The following RRP15 variants were observed in gnomAD, a reference collection of about 807,000 sequenced individuals.
RRP15 encodes the protein RRP15-like protein.
In RRP15, 18 loss-of-function variants were observed where a neutral mutation model predicts 27.1. The observed-to-expected ratio is 0.66, with a 90% CI of 0.46 to 0.98. The LOEUF (loss-of-function observed/expected upper bound fraction) is 0.98. RRP15 is among the 50% of genes least tolerant of loss of function. The pLI is 0.00. For missense variants in RRP15, 359 were observed against 337.8 expected (o/e 1.06, Z -0.49); for synonymous variants, 107 against 109.4 (o/e 0.98, Z 0.14).
At chr1:218,287,715 A>G (rs1353776031) in intron 1 of RRP15, among the ~76,000 whole-genome samples, 1 of 152,192 alleles carries the variant, frequency 6.6e-6, no homozygotes, top group Non-Finnish European at 1.5e-5. Context: ...TCTTACGTGT[A>G]TTATTGATAA....
chr1:218,290,235 A>G (rs139368320), intron 1 of RRP15, among the ~76,000 whole-genome samples: 39 of 152,328 alleles, frequency 2.6e-4, no homozygotes, highest in Non-Finnish European at 1.5e-4. Flanking sequence ...ATTACTATAA[A>G]TGTTTATAAA....
At chr1:218,328,062 T>C (rs574046702) in intron 4 of RRP15, among the ~76,000 whole-genome samples, 5 of 152,276 alleles carry the variant, frequency 3.3e-5, no homozygotes, top group Non-Finnish European at 7.3e-5. Flanking sequence ...ATTTTCAAGT[T>C]ATGCAGATAA....
intron 4 of RRP15, among the ~76,000 whole-genome samples, chr1:218,322,279 C>G (rs1656198114): frequency 6.6e-6 from 1 of 152,120 alleles, no homozygotes. Flanking sequence ...TACTTGCTAT[C>G]TGGCCAGGAA....
chr1:218,304,716 T>G (rs1427693308), intron 2 of RRP15, among the ~76,000 whole-genome samples: 1 of 152,138 alleles, frequency 6.6e-6, no homozygotes, highest in Non-Finnish European at 1.5e-5. Context: ...GATGATCTGG[T>G]GATGGCAGAG....
rs116668318 is a variant in RRP15, at chr1:218,293,255, T to G, written c.139+7800T>G. On this transcript the variant is annotated intron_variant, in intron 1 of 4. Transcript: ENST00000366932. ...TTGGTTAAAGATGGGACAATTCTTC[T>G]TTGGCTTAACTCAGAATTTGCTATT... is the stretch of plus-strand genomic sequence containing the variant. Among the ~76,000 whole-genome samples, 879 of 152,306 alleles carry G rather than the reference T, an allele frequency of 5.8e-3. 7 individuals carry two copies. The highest frequency in any genetic ancestry group is 0.019 in the African/African-American group (802 of 41,564).
rs185356538 is a variant in RRP15, at chr1:218,337,771, C to A, written c.*6680C>A. On this transcript the variant is annotated 3_prime_UTR_variant, in exon 5 of 5. Transcript: ENST00000366932. ...TGCTTACTTATTCTGTTCTAGAATCCAAACTCTACATACTGTTTAATAGAG... is the reference window on the plus strand; with the variant it reads ...TGCTTACTTATTCTGTTCTAGAATCAAAACTCTACATACTGTTTAATAGAG... The A allele has an allele frequency of 2.0e-4, 31 of 152,064 alleles. No individual in the cohort carries two copies. Among genetic ancestry groups the A allele is most frequent in the African/African-American group, 7.5e-4 (31 of 41,490 alleles). 9.4% of individuals were successfully genotyped at this position (152,064 alleles called of 1,614,324 possible).
In RRP15 at chr1:218,333,996, A is replaced by G. The variant is rs538609361; in HGVS notation, c.*2905A>G. ...TTTCCTTATTTCATATATAGAAATA[A>G]TTATCTTATTTCCTTATTTCATATA... is the stretch of plus-strand genomic sequence containing the variant. On this transcript the variant is annotated 3_prime_UTR_variant, in exon 5 of 5. Transcript: ENST00000366932. 2 of 152,154 alleles carry G rather than the reference A, an allele frequency of 1.3e-5. No individual in the cohort carries two copies. Among genetic ancestry groups the G allele is most frequent in the Non-Finnish European group, 2.9e-5 (2 of 68,018 alleles). The allele number at this position is 152,154 out of a possible 1,614,324, so 9.4% of individuals were successfully genotyped here. A position where few individuals can be genotyped will look rare whatever the true frequency, so the allele number is the denominator to read the frequency against.
intron 2 of RRP15, among the ~76,000 whole-genome samples, chr1:218,304,498 T>C (rs1655864892): frequency 6.6e-6 from 1 of 152,254 alleles, no homozygotes; most frequent in South Asian, 2.1e-4. Flanking sequence ...TGGTCAGATA[T>C]GCTACGAGAG....
intron 4 of RRP15, among the ~76,000 whole-genome samples, chr1:218,313,504 T>C (rs978878190): frequency 6.6e-5 from 10 of 152,174 alleles, no homozygotes; most frequent in Non-Finnish European, 1.3e-4. Context: ...ATGGAACATG[T>C]CTGAGAGGTA....
chr1:218,293,189 TA>T (rs1185306632), intron 1 of RRP15, among the ~76,000 whole-genome samples: 1 of 152,106 alleles, frequency 6.6e-6, no homozygotes, highest in African/African-American at 2.4e-5. Flanking sequence ...CATGCCTGGT[TA>T]AAGAGTCCTT....
chr1:218,306,656 C>T (rs576921778), intron 3 of RRP15, among the ~76,000 whole-genome samples: 85 of 152,042 alleles, frequency 5.6e-4, no homozygotes, highest in African/African-American at 2.0e-3. Context: ...TCAACGCTAT[C>T]CAGGAGAAAT....
At chr1:218,285,541 G>T in intron 1 of RRP15, 86 bp downstream of exon 1, 1 of 1,568,864 alleles carries the variant, frequency 6.4e-7, no homozygotes, top group Non-Finnish European at 8.7e-7. Flanking sequence ...TTCATTTGCT[G>T]CTAGCCACCT....
At chr1:218,311,836 G>T (rs1212176644) in intron 4 of RRP15, among the ~76,000 whole-genome samples, 1 of 152,230 alleles carries the variant, frequency 6.6e-6, no homozygotes, top group Non-Finnish European at 1.5e-5. Context: ...ATTTGGAAAA[G>T]GGTTTTTGCA....
At position 218,302,554 on chromosome 1, in the gene RRP15, A is replaced by G. The variant is rs1048186252; in HGVS notation, c.400A>G (p.Lys134Glu). 1 of 1,611,842 alleles carries G rather than the reference A, an allele frequency of 6.2e-7. No homozygotes were observed. The highest frequency in any genetic ancestry group is 1.3e-5 in the African/African-American group (1 of 74,752). Residue 134 changes from lysine to glutamate, a missense_variant, in exon 2 of 5, where the codon AAA becomes GAA. Coordinates refer to ENST00000366932, the MANE Select transcript of RRP15 (RefSeq NM_016052.4). ...AAAGCAAGAAAGACTAGAGAAAATAAAACAGGTATGTTCCACCAGTTCTCT... is the reference window on the plus strand; with the variant it reads ...AAAGCAAGAAAGACTAGAGAAAATAGAACAGGTATGTTCCACCAGTTCTCT... The part of the protein sequence containing the change: ...KLKQERLEKI[K>E]QRDKRLEWEM...
intron 1 of RRP15, among the ~76,000 whole-genome samples, chr1:218,293,159 G>T: frequency 6.6e-6 from 1 of 151,304 alleles, no homozygotes. Flanking sequence ...TTAATAATTG[G>T]GACCATAGGT....
In RRP15 at chr1:218,335,454, AC is replaced by A. The variant is rs1656433854; in HGVS notation, c.*4364del. ...AATACTTTATATTAAAATTATAGGG[AC>A]TAAAAGTCTAAATCATTGCTGTCAA... is the stretch of plus-strand genomic sequence containing the variant. On this transcript the variant is annotated 3_prime_UTR_variant, in exon 5 of 5. Transcript: ENST00000366932. The A allele has an allele frequency of 6.6e-6, 1 of 152,198 alleles. No individual in the cohort carries two copies. Among genetic ancestry groups the A allele is most frequent in the African/African-American group, 2.4e-5 (1 of 41,456 alleles). The allele number at this position is 152,198 out of a possible 1,614,324, so 9.4% of individuals were successfully genotyped here.
chr1:218,303,112 C>G (rs1236963646), intron 2 of RRP15, among the ~76,000 whole-genome samples: 1 of 151,970 alleles, frequency 6.6e-6, no homozygotes, highest in Non-Finnish European at 1.5e-5. Flanking sequence ...AATTAAAGGC[C>G]AAAAGTTGTA....
intron 4 of RRP15, among the ~76,000 whole-genome samples, chr1:218,328,641 C>T (rs1387773267): frequency 2.0e-5 from 3 of 151,378 alleles, no homozygotes; most frequent in East Asian, 1.9e-4. Flanking sequence ...CCAGCCTGGG[C>T]GACAGAGCGA....
chr1:218,299,569 A>G (rs1176254698), intron 1 of RRP15, among the ~76,000 whole-genome samples: 1 of 152,182 alleles, frequency 6.6e-6, no homozygotes, highest in East Asian at 1.9e-4. Flanking sequence ...GTGTGAATAC[A>G]TCAGGACAAA....
Sources: gnomAD v4.1 joint callset for allele counts (sites outside exome capture counted in the v4.1 genomes callset) on GRCh38, gnomAD v4.1.1 for gene constraint, MANE v1.5 for transcripts, NCBI Gene and HGNC (gene_info 2026-07-23, HGNC 2026-07-21) for gene names.